LYPD6B: variants seen among roughly 807,000 people sequenced by gnomAD.
LYPD6B encodes ly6/PLAUR domain-containing protein 6B.
Under a neutral mutation model 22.8 loss-of-function variants are expected in LYPD6B, and 17 were observed. That is an observed-to-expected ratio of 0.75 (90% CI 0.51 to 1.12). The LOEUF is 1.12. Among genes scored for constraint, LYPD6B ranks in the 50% most tolerant of loss-of-function variants. The pLI is 0.00. For synonymous variants in LYPD6B, 106 were observed against 91.6 expected, an observed-to-expected ratio of 1.16 and a Z score of -0.90; for missense variants, 221 against 258.3, an observed-to-expected ratio of 0.86 and a Z score of 0.99.
chr2:149,189,827 CT>C (rs1393231525), intron 3 of LYPD6B, among the ~76,000 whole-genome samples: 4 of 152,104 alleles, frequency 2.6e-5, no homozygotes, highest in Non-Finnish European at 4.4e-5. Context: ...TCAGGTACCC[CT>C]ATGCCCACCT....
chr2:149,079,366 T>C lies in LYPD6B; in HGVS notation c.-67+40565T>C, dbSNP rs186394722. Among the ~76,000 whole-genome samples the C allele has an allele frequency of 4.7e-4, 72 of 152,328 alleles. 1 individual carries two copies. Among genetic ancestry groups the C allele is most frequent in the African/African-American group, 1.5e-3 (63 of 41,586 alleles). Reference sequence around the variant, plus strand: ...TAATTTGGACTTCTGCCATACCTGATCCATAATAACCAGAGATCAATTCAT... The same window carrying C: ...TAATTTGGACTTCTGCCATACCTGACCCATAATAACCAGAGATCAATTCAT... On this transcript the variant is annotated intron_variant, in intron 1 of 6. Coordinates refer to ENST00000409642, the MANE Select transcript of LYPD6B (RefSeq NM_177964.5).
intron 2 of LYPD6B, among the ~76,000 whole-genome samples, chr2:149,158,291 G>T (rs1375642948): frequency 6.6e-6 from 1 of 151,966 alleles, no homozygotes; most frequent in Non-Finnish European, 1.5e-5. Flanking sequence ...TGATTCCAGG[G>T]TAAACAAAAT....
At chr2:149,122,756 G>A (rs1479803278) in intron 1 of LYPD6B, among the ~76,000 whole-genome samples, 1 of 152,104 alleles carries the variant, frequency 6.6e-6, no homozygotes, top group Admixed American at 6.5e-5. Flanking sequence ...CACTTTGGGG[G>A]CTGAGGGCCT....
chr2:149,114,072 G>A (rs1031277645), intron 1 of LYPD6B, among the ~76,000 whole-genome samples: 3 of 152,064 alleles, frequency 2.0e-5, no homozygotes, highest in African/African-American at 7.2e-5. Context: ...GGGAATCTGT[G>A]GACAGAACTT....
intron 1 of LYPD6B, among the ~76,000 whole-genome samples, chr2:149,070,259 T>C (rs966546500): frequency 1.2e-4 from 19 of 152,108 alleles, no homozygotes; most frequent in African/African-American, 4.6e-4. Context: ...TGCAAGACTC[T>C]TCCCCGCTAA....
intron 3 of LYPD6B, among the ~76,000 whole-genome samples, chr2:149,175,061 C>CTGTGTGTGTGTGTGTGTGTG (rs1330239336): frequency 1.1e-3 from 123 of 113,058 alleles, no homozygotes; most frequent in African/African-American, 3.7e-3. Context: ...CTCTCTCTCT[C>CTGTGTGTGTGTGTGTGTGTG]TGTGTGTGTG....
chr2:149,039,314 G>T (rs550328451), intron 1 of LYPD6B, among the ~76,000 whole-genome samples: 1 of 152,334 alleles, frequency 6.6e-6, no homozygotes, highest in South Asian at 2.1e-4. Context: ...TTTTGTTGTT[G>T]AATAACCTAC....
At chr2:149,047,421 CTCT>C (rs1306654352) in intron 1 of LYPD6B, among the ~76,000 whole-genome samples, 1 of 152,112 alleles carries the variant, frequency 6.6e-6, no homozygotes, top group Non-Finnish European at 1.5e-5. Flanking sequence ...TTGCTTCATT[CTCT>C]TCTTGTATGC....
At chr2:149,111,196 T>C (rs1686741899) in intron 1 of LYPD6B, among the ~76,000 whole-genome samples, 1 of 152,224 alleles carries the variant, frequency 6.6e-6, no homozygotes, top group South Asian at 2.1e-4. Flanking sequence ...CTGAAGGTGG[T>C]AAGAACTGTA....
intron 3 of LYPD6B, among the ~76,000 whole-genome samples, chr2:149,179,946 A>C (rs184121226): frequency 6.8e-4 from 103 of 152,306 alleles, no homozygotes; most frequent in Non-Finnish European, 3.1e-4. Flanking sequence ...ATTTTCTATA[A>C]AATTTTATCA....
intron 5 of LYPD6B, among the ~76,000 whole-genome samples, chr2:149,209,858 G>A (rs1057004210): frequency 2.0e-5 from 3 of 152,048 alleles, no homozygotes; most frequent in Admixed American, 6.6e-5. Context: ...TTGTGTGTGC[G>A]CTTATGAGTG....
In LYPD6B at chr2:149,068,948, A is replaced by G. The variant is rs1684465536; in HGVS notation, c.-67+30147A>G. On this transcript the variant is annotated intron_variant, in intron 1 of 6. Transcript: ENST00000409642. ...GGTCTTCTAAGAAACATTTCTAAAAATTATCTCGTCCGTCTCTTGTTCCAC... is the reference window on the plus strand; with the variant it reads ...GGTCTTCTAAGAAACATTTCTAAAAGTTATCTCGTCCGTCTCTTGTTCCAC... 2.4e-5 allele frequency: 6 copies of G among 251,220 alleles called. No individual in the cohort carries two copies. In the South Asian group the frequency reaches 2.9e-4, roughly 12 times the overall value. 15.6% of individuals were successfully genotyped at this position (251,220 alleles called of 1,614,324 possible).
chr2:149,104,957 A>G (rs1480244108), intron 1 of LYPD6B, among the ~76,000 whole-genome samples: 1 of 152,192 alleles, frequency 6.6e-6, no homozygotes. Context: ...ATGGGGTACG[A>G]TGTGATGTTT....
At chr2:149,188,123 C>T (rs1485234790) in intron 3 of LYPD6B, among the ~76,000 whole-genome samples, 2 of 152,134 alleles carry the variant, frequency 1.3e-5, no homozygotes, top group African/African-American at 4.8e-5. Flanking sequence ...TTCCTAGTTT[C>T]TTTTGCTCAC....
At chr2:149,086,833 G>A (rs1685421484) in intron 1 of LYPD6B, among the ~76,000 whole-genome samples, 2 of 152,198 alleles carry the variant, frequency 1.3e-5, no homozygotes, top group Admixed American at 1.3e-4. Context: ...CTTCCACATG[G>A]CTGTCTTTTC....
intron 3 of LYPD6B, chr2:149,188,776 C>A: frequency 1.6e-6 from 1 of 614,516 alleles, no homozygotes; most frequent in Non-Finnish European, 2.0e-6. Context: ...ATGTGGGTAG[C>A]TAGTATTTAT....
chr2:149,107,715 A>G (rs1177010961), intron 1 of LYPD6B, among the ~76,000 whole-genome samples: 1 of 152,160 alleles, frequency 6.6e-6, no homozygotes, highest in Non-Finnish European at 1.5e-5. Context: ...GTTTAACTCT[A>G]TTATATTCAA....
chr2:149,113,397 A>G (rs1349912369), intron 1 of LYPD6B, among the ~76,000 whole-genome samples: 2 of 152,156 alleles, frequency 1.3e-5, no homozygotes, highest in Non-Finnish European at 2.9e-5. Flanking sequence ...GGGGAAAAGG[A>G]TGGAAGGATA....
chr2:149,144,545 C>T (rs1220880177), intron 2 of LYPD6B, among the ~76,000 whole-genome samples: 1 of 152,140 alleles, frequency 6.6e-6, no homozygotes, highest in Non-Finnish European at 1.5e-5. Context: ...GCACCCGCCA[C>T]CACGCCTGGC....
Sources: gnomAD v4.1 joint callset for allele counts (sites outside exome capture counted in the v4.1 genomes callset) on GRCh38, gnomAD v4.1.1 for gene constraint, MANE v1.5 for transcripts, NCBI Gene and HGNC (gene_info 2026-07-23, HGNC 2026-07-21) for gene names.